The following TRHDE variants were observed in gnomAD, a reference collection of about 807,000 sequenced individuals.
The protein encoded by TRHDE is thyrotropin-releasing hormone-degrading ectoenzyme.
In TRHDE, 72 loss-of-function variants were observed where a neutral mutation model predicts 125.7. The observed-to-expected ratio is 0.57, with a 90% CI of 0.47 to 0.70. The LOEUF is 0.70. Among genes scored for constraint, TRHDE ranks in the 30% least tolerant of loss-of-function variants. TRHDE has a pLI of 0.00. For missense variants in TRHDE, 1,110 were observed against 1,327.1 expected (o/e 0.84, Z 2.54); for synonymous variants, 509 against 509.1 (o/e 1.00, Z 0.00).
At chr12:72,394,751 T>G (rs2135794973) in intron 3 of TRHDE, among the ~76,000 whole-genome samples, 1 of 152,276 alleles carries the variant, frequency 6.6e-6, no homozygotes, top group South Asian at 2.1e-4. Context: ...GGTGTCATAT[T>G]GTTGAGAGCG....
chr12:72,295,681 G>T (rs547375744), intron 2 of TRHDE, among the ~76,000 whole-genome samples: 1 of 152,028 alleles, frequency 6.6e-6, no homozygotes, highest in East Asian at 1.9e-4. Flanking sequence ...CTGTATATAC[G>T]CTTAAAACAC....
intron 15 of TRHDE, among the ~76,000 whole-genome samples, chr12:72,636,676 C>T (rs1873769925): frequency 6.6e-6 from 1 of 152,058 alleles, no homozygotes; most frequent in Non-Finnish European, 1.5e-5. Context: ...GAAGTACGTC[C>T]CATCAATACC....
At chr12:72,127,539 A>C (rs1456367960) in intron 2 of TRHDE, among the ~76,000 whole-genome samples, 1 of 152,220 alleles carries the variant, frequency 6.6e-6, no homozygotes, top group Non-Finnish European at 1.5e-5. Flanking sequence ...TTGCAGCAAC[A>C]TGGATTCAGT....
chr12:72,519,141 G>A (rs1247504228), intron 6 of TRHDE, among the ~76,000 whole-genome samples: 3 of 152,026 alleles, frequency 2.0e-5, no homozygotes, highest in South Asian at 2.1e-4. Context: ...TGCTCTTCTC[G>A]AGGAGTATCT....
intron 3 of TRHDE, among the ~76,000 whole-genome samples, chr12:72,392,365 C>T (rs145175493): frequency 9.9e-5 from 15 of 152,094 alleles, no homozygotes; most frequent in Admixed American, 7.2e-4. Flanking sequence ...CCATTTTGTC[C>T]GAATTACTTT....
At chr12:72,299,095 A>G (rs1303369798) in intron 2 of TRHDE, among the ~76,000 whole-genome samples, 2 of 152,258 alleles carry the variant, frequency 1.3e-5, no homozygotes, top group African/African-American at 4.8e-5. Context: ...TGGTTCTTAT[A>G]GGATTTGATA....
At chr12:72,649,024 T>TAA (rs933603161) in intron 15 of TRHDE, among the ~76,000 whole-genome samples, 2 of 147,132 alleles carry the variant, frequency 1.4e-5, no homozygotes, top group African/African-American at 5.0e-5. Context: ...CAATGACACT[T>TAA]AAAAAAAAAA....
At chr12:72,581,876 G>C (rs539042745) in intron 12 of TRHDE, among the ~76,000 whole-genome samples, 102 of 151,942 alleles carry the variant, frequency 6.7e-4, no homozygotes, top group Non-Finnish European at 1.4e-3. Flanking sequence ...GCCGAGGTGG[G>C]CAGATCACGA....
rs148863110 is a variant in TRHDE at position 72,183,147 on chromosome 12, C to T, written n.279+77395C>T. On this transcript the variant is annotated intron_variant and non_coding_transcript_variant, in intron 2 of 4. Coordinates refer to the TRHDE transcript ENST00000548156. ...CTATTACTTAACTTGGATGAAAACT[C>T]TCCTCTTTAACCAAGCCATCCCTAA... 6.8e-4 allele frequency among the ~76,000 whole-genome samples: 104 copies of T among 152,320 alleles called. 1 individual carries two copies. The East Asian group carries it at 0.016, about 24-fold the overall frequency.
rs189676978 is a variant in TRHDE at position 72,452,109 on chromosome 12, G to A, written c.1316-17649G>A. Reference sequence around the variant, plus strand: ...CTCCCAAAGTGCTGGGATTACAGGCGCGATTTCTGTTTCTTTTGTCAGGGT... The same window carrying A: ...CTCCCAAAGTGCTGGGATTACAGGCACGATTTCTGTTTCTTTTGTCAGGGT... On this transcript the variant is annotated intron_variant, in intron 3 of 18. Coordinates refer to ENST00000261180, the MANE Select transcript of TRHDE (RefSeq NM_013381.3). Among the ~76,000 whole-genome samples, 11 of 152,152 alleles carry A rather than the reference G, an allele frequency of 7.2e-5. 1 individual carries two copies. The highest frequency in any genetic ancestry group is 3.9e-4 in the Admixed American group (6 of 15,280).
chr12:72,194,853 G>A (rs1407133993), intron 2 of TRHDE, among the ~76,000 whole-genome samples: 1 of 151,998 alleles, frequency 6.6e-6, no homozygotes, highest in African/African-American at 2.4e-5. Flanking sequence ...TGTCTTTTTG[G>A]TAGAACAATT....
intron 3 of TRHDE, among the ~76,000 whole-genome samples, chr12:72,410,146 G>A (rs367776555): frequency 2.6e-5 from 4 of 151,908 alleles, no homozygotes; most frequent in Admixed American, 2.0e-4. Context: ...CATGTCAATG[G>A]TTTTGACAGT....
intron 12 of TRHDE, among the ~76,000 whole-genome samples, chr12:72,588,757 A>G (rs1871547336): frequency 6.6e-6 from 1 of 152,184 alleles, no homozygotes; most frequent in South Asian, 2.1e-4. Flanking sequence ...GTATTAGTCC[A>G]TTCTCATGCT....
At chr12:72,516,703 G>T (rs1362137584) in intron 6 of TRHDE, among the ~76,000 whole-genome samples, 1 of 150,662 alleles carries the variant, frequency 6.6e-6, no homozygotes, top group South Asian at 2.1e-4. Context: ...TGGTGAGAGA[G>T]GGCATCCCTG....
chr12:72,114,159 G>T (rs570160314), intron 2 of TRHDE, among the ~76,000 whole-genome samples: 1 of 27,014 alleles, frequency 3.7e-5, no homozygotes, highest in Non-Finnish European at 9.9e-5. Context: ...CTAACATTTT[G>T]GGGAATGAAA....
chr12:72,367,819 G>C (rs1464632349), intron 2 of TRHDE, among the ~76,000 whole-genome samples: 2 of 152,154 alleles, frequency 1.3e-5, no homozygotes, highest in Non-Finnish European at 2.9e-5. Flanking sequence ...TAAATGTATT[G>C]TTATAGTGGT....
intron 2 of TRHDE, among the ~76,000 whole-genome samples, chr12:72,149,616 G>A (rs958690689): frequency 1.3e-5 from 2 of 151,310 alleles, no homozygotes; most frequent in African/African-American, 2.4e-5. Context: ...AATAAAAATA[G>A]CTAAATTAAT....
At chr12:72,141,034 G>A (rs1032193634) in intron 2 of TRHDE, among the ~76,000 whole-genome samples, 4 of 151,842 alleles carry the variant, frequency 2.6e-5, no homozygotes, top group African/African-American at 9.7e-5. Flanking sequence ...GTTAAATTCA[G>A]ATTTCAGAGA....
intron 2 of TRHDE, among the ~76,000 whole-genome samples, chr12:72,326,541 A>G (rs1043544272): frequency 6.6e-6 from 1 of 152,198 alleles, no homozygotes; most frequent in East Asian, 1.9e-4. Context: ...CATTCTGCAC[A>G]TGTATCCCAG....
Sources: gnomAD v4.1 joint callset for allele counts (sites outside exome capture counted in the v4.1 genomes callset) on GRCh38, gnomAD v4.1.1 for gene constraint, MANE v1.5 for transcripts, NCBI Gene and HGNC (gene_info 2026-07-23, HGNC 2026-07-21) for gene names.